The following SLC41A2 variants were observed in gnomAD, a reference collection of about 807,000 sequenced individuals.
The protein encoded by SLC41A2 is solute carrier family 41 member 2.
In SLC41A2, 32 loss-of-function variants were observed where a neutral mutation model predicts 58.3. The observed-to-expected ratio is 0.55, with a 90% CI of 0.41 to 0.74. SLC41A2 has a LOEUF of 0.74. Ranked by LOEUF, SLC41A2 falls within the 30% of genes least tolerant of loss-of-function variation. SLC41A2 has a pLI of 0.00. For missense variants in SLC41A2, 514 were observed against 680.6 expected (o/e 0.76, Z 2.72); for synonymous variants, 190 against 235.0 (o/e 0.81, Z 1.75).
rs192422036 is a variant in SLC41A2 at position 104,953,422 on chromosome 12, T to G, written c.-168+4666A>C. On this transcript the variant is annotated intron_variant, in intron 1 of 10. Transcript: ENST00000258538. ...AAGATTAAAGGAACACTTTTCTTTC[T>G]CTCCACCCCCATCACTAATTCCTCC... is the stretch of plus-strand genomic sequence containing the variant. Among the ~76,000 whole-genome samples the G allele has an allele frequency of 1.5e-3, 234 of 152,316 alleles. 1 individual carries two copies. Among genetic ancestry groups the G allele is most frequent in the African/African-American group, 5.4e-3 (223 of 41,576 alleles).
chr12:104,928,889 C>T (rs968873301), intron 1 of SLC41A2, among the ~76,000 whole-genome samples, 195 bp from the exon 2 acceptor site: 4 of 152,152 alleles, frequency 2.6e-5, no homozygotes, highest in Non-Finnish European at 5.9e-5. Context: ...AAATATAATA[C>T]AGAGCTATTT....
intron 10 of SLC41A2, among the ~76,000 whole-genome samples, chr12:104,843,438 T>G (rs1043070480): frequency 6.6e-6 from 1 of 152,090 alleles, no homozygotes; most frequent in Non-Finnish European, 1.5e-5. Flanking sequence ...TAAGGATAGA[T>G]TCTAATTTCC....
chr12:104,859,329 G>A (rs983033388), intron 8 of SLC41A2, among the ~76,000 whole-genome samples: 1 of 152,128 alleles, frequency 6.6e-6, no homozygotes, highest in Non-Finnish European at 1.5e-5. Context: ...GAATGACTAG[G>A]CTATTAGTGA....
Position 104,803,305 on chromosome 12 carries a change from A to ATTC in SLC41A2, c.*1844_*1846dup, listed in dbSNP as rs2040762338. The ATTC allele has an allele frequency of 6.6e-6, 1 of 152,092 alleles. No individual in the cohort carries two copies. Among genetic ancestry groups the ATTC allele is most frequent in the East Asian group, 1.9e-4 (1 of 5,202 alleles). 9.4% of individuals were successfully genotyped at this position (152,092 alleles called of 1,614,324 possible). ...GCTAAATATTCATCAACTTAAACTTATTCTTTCTTTTATAAGAATGTTCAC... is the reference window on the plus strand; with the variant it reads ...GCTAAATATTCATCAACTTAAACTTATTCTTCTTTCTTTTATAAGAATGTTCAC... On this transcript the variant is annotated 3_prime_UTR_variant, in exon 11 of 11. Transcript: ENST00000258538.
chr12:104,876,519 G>C (rs979489706), intron 6 of SLC41A2, among the ~76,000 whole-genome samples: 1 of 151,724 alleles, frequency 6.6e-6, no homozygotes, highest in South Asian at 2.1e-4. Context: ...TTGACCTCTT[G>C]GTTGTTCAGG....
intron 10 of SLC41A2, among the ~76,000 whole-genome samples, chr12:104,827,618 T>C (rs1386063899): frequency 6.6e-6 from 1 of 152,220 alleles, no homozygotes; most frequent in Non-Finnish European, 1.5e-5. Flanking sequence ...GTATAACCCA[T>C]GTATACTTAA....
intron 1 of SLC41A2, among the ~76,000 whole-genome samples, chr12:104,929,613 A>T (rs1433815487): frequency 1.3e-5 from 2 of 152,232 alleles, no homozygotes; most frequent in Admixed American, 1.3e-4. Flanking sequence ...CTGCAAGGTC[A>T]CCCACGACCT....
intron 10 of SLC41A2, among the ~76,000 whole-genome samples, chr12:104,822,325 T>C (rs1043420639): frequency 6.6e-6 from 1 of 152,146 alleles, no homozygotes; most frequent in Non-Finnish European, 1.5e-5. Context: ...GCCAAAATGG[T>C]CCTGAGTCTA....
At chr12:104,889,301 T>A in intron 4 of SLC41A2, 124 bp from the exon 5 acceptor site, 1 of 979,460 alleles carries the variant, frequency 1.0e-6, no homozygotes, top group Non-Finnish European at 1.5e-6. Flanking sequence ...TGAGCTACAT[T>A]ACCTTTTAGA....
chr12:104,936,038 C>G (rs1296484165), intron 1 of SLC41A2, among the ~76,000 whole-genome samples: 17 of 110,678 alleles, frequency 1.5e-4, no homozygotes, highest in Non-Finnish European at 3.5e-4. Flanking sequence ...GCGAGACTGT[C>G]TTAAAAAAAA....
chr12:104,889,311 A>G (rs911514816), intron 4 of SLC41A2, 134 bp from the exon 5 acceptor site: 5 of 896,260 alleles, frequency 5.6e-6, no homozygotes, highest in Admixed American at 3.2e-5. Context: ...TACCTTTTAG[A>G]GTAGTTACTA....
chr12:104,912,133 C>G (rs2046114746), intron 2 of SLC41A2, among the ~76,000 whole-genome samples: 1 of 152,142 alleles, frequency 6.6e-6, no homozygotes. Flanking sequence ...TACCTTTTAC[C>G]TAGGTCATCA....
chr12:104,810,256 ATATGGAGGTAAATTTACCTTCTG>A (rs1399296858), intron 10 of SLC41A2, among the ~76,000 whole-genome samples: 9 of 152,202 alleles, frequency 5.9e-5, no homozygotes, highest in East Asian at 3.8e-4. Context: ...TTACTGAAGT[ATATGGAGGTAAATTTACCTTCTG>A]TATGGAGGTA....
chr12:104,805,441 T>C lies in SLC41A2; in HGVS notation c.1537-104A>G. 3.7e-6 allele frequency: 3 copies of C among 814,778 alleles called. No homozygotes were observed. The South Asian group carries it at 8.3e-5, about 22-fold the overall frequency. The allele number at this position is 814,778 out of a possible 1,614,324, so 50.5% of individuals were successfully genotyped here. ...TGGCTTCTGGAAGGGACCGTATGTG[T>C]CTAAGTCAAGAACCATGCTTGAAAA... On this transcript the variant is annotated intron_variant, in intron 10 of 10. Transcript: ENST00000258538.
At chr12:104,887,208 T>G (rs1354562155) in intron 5 of SLC41A2, among the ~76,000 whole-genome samples, 1 of 151,968 alleles carries the variant, frequency 6.6e-6, no homozygotes, top group Non-Finnish European at 1.5e-5. Flanking sequence ...ACTTTAAATG[T>G]GCTAACCACA....
chr12:104,922,154 T>C (rs1244257009), intron 2 of SLC41A2, among the ~76,000 whole-genome samples: 1 of 152,104 alleles, frequency 6.6e-6, no homozygotes, highest in Non-Finnish European at 1.5e-5. Context: ...AAAATGTCAA[T>C]TGTAAGTCCT....
chr12:104,897,144 CTTTTTTT>C (rs71440558), intron 3 of SLC41A2, among the ~76,000 whole-genome samples: 106 of 120,292 alleles, frequency 8.8e-4, no homozygotes, highest in African/African-American at 2.1e-3. Context: ...TTTCTTTTTT[CTTTTTTT>C]TTTTTTTTTT....
At chr12:104,916,419 A>G (rs1375323705) in intron 2 of SLC41A2, among the ~76,000 whole-genome samples, 2 of 152,168 alleles carry the variant, frequency 1.3e-5, no homozygotes, top group Non-Finnish European at 2.9e-5. Context: ...TATAGATTCA[A>G]TGCCATCCCC....
chr12:104,957,735 C>A (rs1303065198), intron 1 of SLC41A2, among the ~76,000 whole-genome samples: 1 of 152,200 alleles, frequency 6.6e-6, no homozygotes, highest in African/African-American at 2.4e-5. Flanking sequence ...TGGGGTGTGC[C>A]CGAGCCAGCC....
Sources: gnomAD v4.1 joint callset for allele counts (sites outside exome capture counted in the v4.1 genomes callset) on GRCh38, gnomAD v4.1.1 for gene constraint, MANE v1.5 for transcripts, NCBI Gene and HGNC (gene_info 2026-07-23, HGNC 2026-07-21) for gene names.